The following PDGFC variants were observed in gnomAD, a reference collection of about 807,000 sequenced individuals.
PDGFC encodes platelet-derived growth factor C.
Under a neutral mutation model 35.5 loss-of-function variants are expected in PDGFC, and 12 were observed. That is an observed-to-expected ratio of 0.34 (90% CI 0.22 to 0.55). The LOEUF (loss-of-function observed/expected upper bound fraction) is 0.55, where lower values mean the gene tolerates loss of function less well. Ranked by LOEUF, PDGFC falls within the 20% of genes least tolerant of loss-of-function variation. The pLI is 0.91. For synonymous variants in PDGFC, 159 were observed against 148.8 expected (o/e 1.07, Z -0.50); for missense variants, 322 against 412.4 (o/e 0.78, Z 1.90).
At chr4:156,846,179 T>C (rs1351204673) in intron 2 of PDGFC, among the ~76,000 whole-genome samples, 1 of 151,842 alleles carries the variant, frequency 6.6e-6, no homozygotes. Flanking sequence ...AAGATTTGCA[T>C]GTTTTTGAAG....
chr4:156,864,421 A>C (rs959144796), intron 1 of PDGFC, among the ~76,000 whole-genome samples: 8 of 152,206 alleles, frequency 5.3e-5, no homozygotes, highest in African/African-American at 1.9e-4. Flanking sequence ...TATCATATAC[A>C]TGAAGAAATT....
chr4:156,784,578 A>T (rs1172105268), intron 3 of PDGFC, among the ~76,000 whole-genome samples: 3 of 152,158 alleles, frequency 2.0e-5, no homozygotes, highest in Non-Finnish European at 4.4e-5. Context: ...TTTGGCAGGG[A>T]GAAAAAAATA....
intron 1 of PDGFC, among the ~76,000 whole-genome samples, chr4:156,851,589 C>T (rs1729453812): frequency 6.6e-6 from 1 of 151,930 alleles, no homozygotes; most frequent in African/African-American, 2.4e-5. Flanking sequence ...ATAAAATAAG[C>T]AGTCATTGAA....
chr4:156,765,932 C>T (rs1730513183), intron 5 of PDGFC, among the ~76,000 whole-genome samples: 3 of 152,060 alleles, frequency 2.0e-5, no homozygotes, highest in Non-Finnish European at 4.4e-5. Flanking sequence ...CACTAAATCC[C>T]CACAATAAAG....
chr4:156,851,930 C>CAAAAAAAAAA (rs61505882), intron 1 of PDGFC, among the ~76,000 whole-genome samples: 1,454 of 47,800 alleles, frequency 0.03, 158 homozygotes, highest in Non-Finnish European at 0.049. Context: ...GACTCCATCT[C>CAAAAAAAAAA]AAAAAAAAAA....
rs139975364 is a variant in PDGFC at position 156,935,689 on chromosome 4, T to C, written c.118+35097A>G. Reference sequence around the variant, plus strand: ...AACACACATAAAATAAGGTTTGTATTGATCAGCTGACGAATATGTTGTGAC... The same window carrying C: ...AACACACATAAAATAAGGTTTGTATCGATCAGCTGACGAATATGTTGTGAC... On this transcript the variant is annotated intron_variant, in intron 1 of 5. Transcript: ENST00000502773. Among the ~76,000 whole-genome samples the C allele has an allele frequency of 3.5e-3, 529 of 152,352 alleles. 4 individuals are homozygous for C. Among genetic ancestry groups the C allele is most frequent in the African/African-American group, 0.012 (497 of 41,580 alleles).
At chr4:156,956,281 C>T (rs1328932692) in intron 1 of PDGFC, among the ~76,000 whole-genome samples, 1 of 151,934 alleles carries the variant, frequency 6.6e-6, no homozygotes, top group African/African-American at 2.4e-5. Flanking sequence ...AGCACAGTAG[C>T]CATGGAGAAC....
intron 2 of PDGFC, among the ~76,000 whole-genome samples, chr4:156,825,588 A>AAGAAGAAGAAGAAGAAGAAGAAGAAGG (rs1732433683): frequency 1.0e-5 from 1 of 97,290 alleles, no homozygotes; most frequent in African/African-American, 4.6e-5. Flanking sequence ...TAATAATAAT[A>AAGAAGAAGAAGAAGAAGAAGAAGAAGG]ATAATAAGAA....
rs1249365279 is a variant in PDGFC at position 156,919,458 on chromosome 4, TG to T, written c.118+51327del. Among the ~76,000 whole-genome samples, 4 of 150,880 alleles carry T rather than the reference TG, an allele frequency of 2.7e-5. No homozygotes were observed. In the East Asian group the frequency reaches 7.9e-4, roughly 30 times the overall value. On this transcript the variant is annotated intron_variant, in intron 1 of 5. Coordinates refer to ENST00000502773, the MANE Select transcript of PDGFC (RefSeq NM_016205.3). ...AGAGAAAGAAAGCAGACAGCCCAAGTGGCAGTCTGGTTCAATTTTCTCACAC... is the reference window on the plus strand; with the variant it reads ...AGAGAAAGAAAGCAGACAGCCCAAGTGCAGTCTGGTTCAATTTTCTCACAC...
intron 2 of PDGFC, among the ~76,000 whole-genome samples, chr4:156,827,780 C>G (rs367692819): frequency 5.3e-5 from 8 of 152,122 alleles, no homozygotes; most frequent in East Asian, 1.9e-4. Flanking sequence ...TTATTATTTT[C>G]CAAGGTCAAT....
chr4:156,881,123 T>C (rs981699192), intron 1 of PDGFC, among the ~76,000 whole-genome samples: 1 of 152,186 alleles, frequency 6.6e-6, no homozygotes, highest in African/African-American at 2.4e-5. Context: ...TTCATTGTTG[T>C]CTTCGTTTAG....
At chr4:156,823,259 A>C (rs749737437) in intron 2 of PDGFC, among the ~76,000 whole-genome samples, 7 of 152,148 alleles carry the variant, frequency 4.6e-5, no homozygotes, top group Non-Finnish European at 8.8e-5. Flanking sequence ...AATAAAAATA[A>C]AATAAAATGT....
chr4:156,938,570 A>T (rs996968589), intron 1 of PDGFC, among the ~76,000 whole-genome samples: 2 of 152,104 alleles, frequency 1.3e-5, no homozygotes, highest in Non-Finnish European at 2.9e-5. Context: ...ATTTATATTT[A>T]AAAAACTGAC....
chr4:156,783,030 G>A (rs1210728192), intron 3 of PDGFC, among the ~76,000 whole-genome samples: 2 of 152,122 alleles, frequency 1.3e-5, no homozygotes, highest in Non-Finnish European at 2.9e-5. Flanking sequence ...AATTAAGGAG[G>A]TGATACAAAG....
At position 156,925,525 on chromosome 4, in the gene PDGFC, T is replaced by C. The variant is rs577329219; in HGVS notation, c.118+45261A>G. ...GGGTACCTTTAAGAAGGCAGAAGAA[T>C]AGGGGAAAAGCACATTTGAGGAAAG... On this transcript the variant is annotated intron_variant, in intron 1 of 5. Transcript: ENST00000502773. Among the ~76,000 whole-genome samples, 247 of 151,708 alleles carry C rather than the reference T, an allele frequency of 1.6e-3. 1 individual carries two copies. The highest frequency in any genetic ancestry group is 5.8e-3 in the African/African-American group (241 of 41,388).
chr4:156,914,716 A>G (rs554008277), intron 1 of PDGFC, among the ~76,000 whole-genome samples: 1 of 152,272 alleles, frequency 6.6e-6, no homozygotes, highest in Non-Finnish European at 1.5e-5. Flanking sequence ...AGGGGAAGAA[A>G]TGAAAACAAA....
At chr4:156,970,648 G>C (rs1034618368) in intron 1 of PDGFC, 138 bp downstream of exon 1, 1 of 684,308 alleles carries the variant, frequency 1.5e-6, no homozygotes, top group Non-Finnish European at 2.7e-6. Flanking sequence ...CCATGCCAAT[G>C]AACGCAGCGC....
chr4:156,917,810 G>C (rs577332058), intron 1 of PDGFC, among the ~76,000 whole-genome samples: 1 of 152,142 alleles, frequency 6.6e-6, no homozygotes, highest in African/African-American at 2.4e-5. Context: ...GGATGCTAAA[G>C]GACCACTTCG....
At position 156,862,211 on chromosome 4, in the gene PDGFC, G is replaced by A. The variant is rs923797473; in HGVS notation, c.119-11795C>T. The stretch of plus-strand genomic sequence containing the variant: ...TTTATAGAAATAAAATAAATCCTCT[G>A]AAATAAAACAGGATTCATGAATAGA... On this transcript the variant is annotated intron_variant, in intron 1 of 5. Coordinates refer to ENST00000502773, the MANE Select transcript of PDGFC (RefSeq NM_016205.3). 2.0e-5 allele frequency among the ~76,000 whole-genome samples: 3 copies of A among 152,222 alleles called. 1 individual carries two copies. In the South Asian group the frequency reaches 6.2e-4, roughly 32 times the overall value.
Sources: allele counts gnomAD v4.1 joint callset (sites outside exome capture counted in the v4.1 genomes callset), GRCh38; gene constraint gnomAD v4.1.1; transcripts MANE v1.5; gene names NCBI Gene and HGNC (gene_info 2026-07-23, HGNC 2026-07-21).